The following ARHGAP26 variants were observed in gnomAD, a reference collection of about 807,000 sequenced individuals.
The protein encoded by ARHGAP26 is Rho GTPase activating protein 26, also known as rho GTPase-activating protein 26.
In ARHGAP26, 38 loss-of-function variants were observed where a neutral mutation model predicts 104.8. The observed-to-expected ratio is 0.36, with a 90% CI of 0.28 to 0.48. The LOEUF (loss-of-function observed/expected upper bound fraction) is 0.48. Among genes scored for constraint, ARHGAP26 ranks in the 20% least tolerant of loss-of-function variants. The pLI, the probability that ARHGAP26 is intolerant of heterozygous loss-of-function variation, is 0.99. For missense variants in ARHGAP26, 704 were observed against 947.9 expected (o/e 0.74, Z 3.38); for synonymous variants, 341 against 340.0 (o/e 1.00, Z -0.03).
chr5:142,897,673 A>G lies in ARHGAP26; in HGVS notation c.597+3325A>G, dbSNP rs1396114039. 2.6e-5 allele frequency among the ~76,000 whole-genome samples: 4 copies of G among 152,266 alleles called. No homozygotes were observed. In the East Asian group the frequency reaches 5.8e-4, roughly 22 times the overall value. On this transcript the variant is annotated intron_variant, in intron 6 of 22. Transcript: ENST00000645722. ...ACATGAAATAACAATTGATGATATT[A>G]TCTGAAACTGTCGTGTACCGTGCTA... is the stretch of plus-strand genomic sequence containing the variant.
chr5:143,074,694 AT>A (rs1203700542), intron 17 of ARHGAP26, among the ~76,000 whole-genome samples: 1 of 152,194 alleles, frequency 6.6e-6, no homozygotes, highest in Non-Finnish European at 1.5e-5. Context: ...TAAAAGCTAA[AT>A]ATTTACTCTC....
chr5:143,166,603 C>T (rs1023092350), intron 20 of ARHGAP26, among the ~76,000 whole-genome samples: 3 of 152,162 alleles, frequency 2.0e-5, no homozygotes, highest in South Asian at 2.1e-4. Flanking sequence ...TGACCCCTGA[C>T]AGCCCCAGTG....
At chr5:142,815,415 G>C (rs1324214894) in intron 1 of ARHGAP26, among the ~76,000 whole-genome samples, 1 of 152,178 alleles carries the variant, frequency 6.6e-6, no homozygotes, top group African/African-American at 2.4e-5. Context: ...CTTTTTTAGA[G>C]AACAGCAGTT....
At chr5:143,060,553 G>A (rs1786553302) in intron 17 of ARHGAP26, among the ~76,000 whole-genome samples, 1 of 151,878 alleles carries the variant, frequency 6.6e-6, no homozygotes, top group Non-Finnish European at 1.5e-5. Context: ...ACCTCAGAGG[G>A]AACATAAAAA....
At chr5:143,140,734 G>A (rs1798416149) in intron 19 of ARHGAP26, among the ~76,000 whole-genome samples, 1 of 151,950 alleles carries the variant, frequency 6.6e-6, no homozygotes, top group South Asian at 2.1e-4. Flanking sequence ...ACATTGTACA[G>A]TGTCGGTGGG....
At chr5:143,061,207 T>G (rs1598848567) in intron 17 of ARHGAP26, among the ~76,000 whole-genome samples, 1 of 152,208 alleles carries the variant, frequency 6.6e-6, no homozygotes. Context: ...TCTCTTCCAA[T>G]TGTATAATTC....
At chr5:143,009,931 A>ATTAAGTT (rs200553256) in intron 11 of ARHGAP26, among the ~76,000 whole-genome samples, 1,750 of 152,268 alleles carry the variant, frequency 0.011, 34 homozygotes, top group African/African-American at 0.04. Flanking sequence ...TTGCTCCTGG[A>ATTAAGTT]GAGTTGAGTT....
intron 11 of ARHGAP26, among the ~76,000 whole-genome samples, chr5:142,982,793 G>A (rs754358139): frequency 1.6e-4 from 25 of 152,158 alleles, no homozygotes; most frequent in Non-Finnish European, 2.9e-4. Flanking sequence ...TTTCTGGAGT[G>A]GGAGGAAGAT....
chr5:143,121,429 ATATGTATAT>A (rs1238258833), intron 18 of ARHGAP26, among the ~76,000 whole-genome samples: 1 of 152,176 alleles, frequency 6.6e-6, no homozygotes, highest in Non-Finnish European at 1.5e-5. Flanking sequence ...TAAATACTTT[ATATGTATAT>A]TGTTATTTTA....
At chr5:142,955,773 G>A (rs1769140316) in intron 11 of ARHGAP26, among the ~76,000 whole-genome samples, 1 of 152,202 alleles carries the variant, frequency 6.6e-6, no homozygotes, top group Non-Finnish European at 1.5e-5. Flanking sequence ...CAAATGATCG[G>A]TTCCAGATGT....
rs938551253 is a variant in ARHGAP26 at position 143,224,928 on chromosome 5, C to T, written c.*2482C>T. Reference sequence around the variant, plus strand: ...ATTATACAGCTCTTTTCCGGGAACTCACCCAGGAGCAAGCGAGACACTACC... The same window carrying T: ...ATTATACAGCTCTTTTCCGGGAACTTACCCAGGAGCAAGCGAGACACTACC... On this transcript the variant is annotated 3_prime_UTR_variant, in exon 23 of 23. Coordinates refer to ENST00000645722, the MANE Select transcript of ARHGAP26 (RefSeq NM_001135608.3). 4.5e-6 allele frequency: 1 copy of T among 224,218 alleles called. No individual in the cohort carries two copies. Among genetic ancestry groups the T allele is most frequent in the East Asian group, 6.5e-5 (1 of 15,494 alleles). The allele number at this position is 224,218 out of a possible 1,614,324, so 13.9% of individuals were successfully genotyped here.
At chr5:142,818,404 G>A (rs1765527105) in intron 1 of ARHGAP26, among the ~76,000 whole-genome samples, 1 of 152,120 alleles carries the variant, frequency 6.6e-6, no homozygotes, top group East Asian at 1.9e-4. Context: ...TTGCTGGCTG[G>A]GGTCAGGGAC....
At chr5:142,804,715 C>T (rs1037924464) in intron 1 of ARHGAP26, among the ~76,000 whole-genome samples, 13 of 152,322 alleles carry the variant, frequency 8.5e-5, no homozygotes, top group African/African-American at 3.1e-4. Context: ...TGGTCTCAAA[C>T]TCCTGACCTC....
chr5:143,095,406 C>T (rs572284583), intron 17 of ARHGAP26, among the ~76,000 whole-genome samples: 90 of 152,246 alleles, frequency 5.9e-4, no homozygotes, highest in South Asian at 3.3e-3. Context: ...CACCTCTTTA[C>T]GCTCTTAAAA....
intron 1 of ARHGAP26, among the ~76,000 whole-genome samples, chr5:142,850,522 A>G (rs1349244357): frequency 6.6e-6 from 1 of 152,224 alleles, no homozygotes; most frequent in Non-Finnish European, 1.5e-5. Flanking sequence ...TAGGAGTCAG[A>G]CCTATACTTG....
At chr5:143,207,533 A>T (rs1808758941) in intron 21 of ARHGAP26, 1 of 1,586,326 alleles carries the variant, frequency 6.3e-7, no homozygotes, top group Non-Finnish European at 8.6e-7. Flanking sequence ...CAGGGACAAC[A>T]GGGGGCTGCC....
chr5:142,905,572 G>A (rs995873959), intron 8 of ARHGAP26, among the ~76,000 whole-genome samples: 7 of 152,114 alleles, frequency 4.6e-5, no homozygotes, highest in Non-Finnish European at 2.9e-5. Context: ...GAGTATTCAC[G>A]TGAGTACAAC....
chr5:142,810,489 A>G (rs1483083757), intron 1 of ARHGAP26, among the ~76,000 whole-genome samples: 2 of 152,082 alleles, frequency 1.3e-5, no homozygotes, highest in African/African-American at 4.8e-5. Context: ...CCTCTCCCCC[A>G]TCTCTTTCTT....
At chr5:142,942,917 T>C (rs1766582939) in intron 11 of ARHGAP26, among the ~76,000 whole-genome samples, 1 of 152,174 alleles carries the variant, frequency 6.6e-6, no homozygotes, top group Non-Finnish European at 1.5e-5. Flanking sequence ...GTAGCTGGTA[T>C]TACAGGCACG....
Sources: allele counts gnomAD v4.1 joint callset (sites outside exome capture counted in the v4.1 genomes callset), GRCh38; gene constraint gnomAD v4.1.1; transcripts MANE v1.5; gene names NCBI Gene and HGNC (gene_info 2026-07-23, HGNC 2026-07-21).